Variants in CPS1 observed in about 807,000 individuals in gnomAD.
CPS1 encodes the protein carbamoyl-phosphate synthase [ammonia], mitochondrial.
CPS1 carries 109 observed loss-of-function variants against 174.6 expected under a neutral mutation model. The ratio of observed to expected loss-of-function variants is 0.62; its 90% CI spans 0.53 to 0.73. CPS1 has a LOEUF of 0.73. Ranked by LOEUF, CPS1 falls within the 30% of genes least tolerant of loss-of-function variation. The pLI is 0.00. For missense variants in CPS1, 1,689 were observed against 1,821.9 expected (o/e 0.93, Z 1.33); for synonymous variants, 637 against 632.0 (o/e 1.01, Z -0.12).
chr2:210,639,038 A>G (rs1700125423), intron 22 of CPS1, 112 bp from the exon 23 acceptor site: 1 of 789,374 alleles, frequency 1.3e-6, no homozygotes, highest in Non-Finnish European at 2.1e-6. Flanking sequence ...CTGTTTGCAT[A>G]CTTTACAGTA....
At chr2:210,500,138 G>A (rs1481813628) in intron 1 of CPS1, among the ~76,000 whole-genome samples, 1 of 152,010 alleles carries the variant, frequency 6.6e-6, no homozygotes, top group Non-Finnish European at 1.5e-5. Context: ...CATGAAAACA[G>A]CATGGGGGAA....
chr2:210,666,010 T>C (rs1012965010), intron 33 of CPS1, among the ~76,000 whole-genome samples: 74 of 150,598 alleles, frequency 4.9e-4, no homozygotes, highest in African/African-American at 1.7e-3. Context: ...TTTTTAATGA[T>C]TGCCATTCTA....
chr2:210,605,848 A>G (rs1190652751), intron 17 of CPS1, among the ~76,000 whole-genome samples: 4 of 151,938 alleles, frequency 2.6e-5, no homozygotes, highest in African/African-American at 9.7e-5. Context: ...GTATTCAAGG[A>G]CATAGGTATA....
At chr2:210,514,521 A>G (rs530249420) in intron 1 of CPS1, among the ~76,000 whole-genome samples, 13 of 151,898 alleles carry the variant, frequency 8.6e-5, no homozygotes, top group Admixed American at 2.6e-4. Flanking sequence ...ATTTTTGTAC[A>G]TTGATTTTAT....
intron 1 of CPS1, among the ~76,000 whole-genome samples, chr2:210,527,616 T>C (rs1438479532): frequency 6.6e-6 from 1 of 151,964 alleles, no homozygotes; most frequent in East Asian, 1.9e-4. Flanking sequence ...AGTCCCTTTC[T>C]GAGTGCCTTA....
chr2:210,510,224 G>C (rs1013959639), intron 1 of CPS1, among the ~76,000 whole-genome samples: 1 of 152,014 alleles, frequency 6.6e-6, no homozygotes, highest in Non-Finnish European at 1.5e-5. Context: ...ATAATGCCAC[G>C]TTATCTACAA....
At chr2:210,568,280 G>A (rs549712963) in intron 1 of CPS1, among the ~76,000 whole-genome samples, 2 of 152,224 alleles carry the variant, frequency 1.3e-5, no homozygotes, top group Admixed American at 1.3e-4. Flanking sequence ...AGGACTGACA[G>A]AGAGGTGGGG....
intron 1 of CPS1, among the ~76,000 whole-genome samples, chr2:210,496,032 G>T (rs1431752305): frequency 1.3e-5 from 2 of 151,884 alleles, no homozygotes; most frequent in African/African-American, 4.8e-5. Flanking sequence ...CAAATTGGTA[G>T]GCAACTTAAG....
intron 11 of CPS1, among the ~76,000 whole-genome samples, chr2:210,594,261 G>A (rs1334449836): frequency 6.6e-6 from 1 of 151,868 alleles, no homozygotes; most frequent in Non-Finnish European, 1.5e-5. Context: ...GAAGGTATCT[G>A]ATATGTTTAC....
At chr2:210,608,665 A>G (rs1574586999) in intron 19 of CPS1, 106 bp downstream of exon 19, 2 of 1,062,248 alleles carry the variant, frequency 1.9e-6, no homozygotes, top group South Asian at 1.3e-5. Context: ...CAACACATGG[A>G]CAGTGTTAAA....
intron 34 of CPS1, chr2:210,671,978 G>A (rs1384819388): frequency 6.6e-6 from 1 of 152,142 alleles, no homozygotes; most frequent in Non-Finnish European, 1.5e-5. Context: ...TACACAATGA[G>A]TGAACGATAG....
intron 7 of CPS1, among the ~76,000 whole-genome samples, chr2:210,589,146 C>T (rs927814785): frequency 3.3e-5 from 5 of 152,150 alleles, no homozygotes; most frequent in Admixed American, 1.3e-4. Context: ...CTATTCCACA[C>T]GGGCTCTCAG....
intron 29 of CPS1, among the ~76,000 whole-genome samples, chr2:210,655,502 G>T (rs577053415): frequency 6.7e-6 from 1 of 148,634 alleles, no homozygotes; most frequent in Non-Finnish European, 1.5e-5. Context: ...TGAGCTCAGT[G>T]GGGTGGGGTG....
At chr2:210,581,271 T>G in intron 5 of CPS1, among the ~76,000 whole-genome samples, 1 of 152,160 alleles carries the variant, frequency 6.6e-6, no homozygotes, top group East Asian at 1.9e-4. Flanking sequence ...TCAGGCCTAA[T>G]GATTCAGGAA....
intron 1 of CPS1, among the ~76,000 whole-genome samples, chr2:210,523,390 A>AT (rs1695880632): frequency 1.3e-5 from 2 of 151,846 alleles, no homozygotes; most frequent in South Asian, 2.1e-4. Flanking sequence ...TTTTGTATTA[A>AT]TTTTTTTGCG....
intron 1 of CPS1, among the ~76,000 whole-genome samples, chr2:210,566,382 C>T (rs926697363): frequency 2.6e-5 from 4 of 152,034 alleles, no homozygotes; most frequent in African/African-American, 7.2e-5. Context: ...AAATTGTTCT[C>T]GAAACCTGCT....
intron 6 of CPS1, among the ~76,000 whole-genome samples, chr2:210,583,438 A>G (rs539625423): frequency 3.7e-4 from 56 of 152,256 alleles, no homozygotes; most frequent in Non-Finnish European, 6.6e-4. Flanking sequence ...GAGTGTTCAT[A>G]GCATGCTGCA....
intron 8 of CPS1, 121 bp downstream of exon 8, chr2:210,590,355 C>T: frequency 7.1e-7 from 1 of 1,403,530 alleles, no homozygotes; most frequent in East Asian, 2.3e-5. Flanking sequence ...GTATTTGTGA[C>T]TTCTGAGGCA....
rs527988179 is a variant in CPS1, at chr2:210,491,900, A to T, written c.3+14134A>T. ...CTGCTCTCTCAGTTCTTGTTTCTTA[A>T]CTTAGCAGGGAATTCAGTGGAGATT... On this transcript the variant is annotated intron_variant, in intron 1 of 38. Coordinates refer to the CPS1 transcript ENST00000430249. 2.2e-4 allele frequency among the ~76,000 whole-genome samples: 34 copies of T among 152,238 alleles called. 1 individual carries two copies. In the South Asian group the frequency reaches 3.5e-3, roughly 16 times the overall value.
Sources: allele counts gnomAD v4.1 joint callset (sites outside exome capture counted in the v4.1 genomes callset), GRCh38; gene constraint gnomAD v4.1.1; transcripts MANE v1.5; gene names NCBI Gene and HGNC (gene_info 2026-07-23, HGNC 2026-07-21).